The following OR11H4 variants were observed in gnomAD, a reference collection of about 807,000 sequenced individuals.
OR11H4 encodes the protein olfactory receptor family 11 subfamily H member 4.
For synonymous variants in OR11H4, 162 were observed against 142.3 expected (o/e 1.14, Z -0.98); for missense variants, 460 against 371.1 (o/e 1.24, Z -1.97).
intron 1 of OR11H4, among the ~76,000 whole-genome samples, chr14:20,241,813 A>T (rs535092978): frequency 1.3e-5 from 2 of 152,100 alleles, no homozygotes; most frequent in Admixed American, 6.6e-5. Flanking sequence ...AGGTCAGCAA[A>T]AAACATGTGA....
intron 1 of OR11H4, among the ~76,000 whole-genome samples, chr14:20,240,577 TTC>T (rs1341052565): frequency 9.5e-6 from 1 of 105,588 alleles, no homozygotes; most frequent in African/African-American, 5.0e-5. Context: ...TGAAACTACC[TTC>T]TTTTTTTTTT....
intron 1 of OR11H4, among the ~76,000 whole-genome samples, chr14:20,240,423 G>C (rs1181908621): frequency 6.6e-6 from 1 of 152,028 alleles, no homozygotes; most frequent in African/African-American, 2.4e-5. Context: ...TCAAATCTTC[G>C]TTCCCAAGAA....
At chr14:20,241,310 G>A (rs967879440) in intron 1 of OR11H4, among the ~76,000 whole-genome samples, 1 of 152,066 alleles carries the variant, frequency 6.6e-6, no homozygotes, top group Non-Finnish European at 1.5e-5. Flanking sequence ...TATTATCATG[G>A]AGTTGTATCT....
Position 20,243,468 on chromosome 14 carries a change from G to T in OR11H4, c.647G>T (p.Arg216Leu). Residue 216 changes from arginine (R) to leucine (L), a missense_variant, in exon 2 of 2, where the codon CGA becomes CTA. Arg to Leu is a moderately radical substitution (Grantham distance 102). Coordinates refer to ENST00000641082, the MANE Select transcript of OR11H4 (RefSeq NM_001004479.2). ...TTTTTCACTAGTATGTACATTCTTC[G>T]ATCCTATATCCTGTTACTAACAGCT... ...VLFFTSMYIL[R>L]SYILLLTAVF... The T allele has an allele frequency of 1.2e-6, 2 of 1,613,696 alleles. No homozygotes were observed. The highest frequency in any genetic ancestry group is 2.2e-5 in the East Asian group (1 of 44,870).
At chr14:20,242,146 G>A (rs1191475142) in intron 1 of OR11H4, among the ~76,000 whole-genome samples, 4 of 151,934 alleles carry the variant, frequency 2.6e-5, no homozygotes, top group African/African-American at 7.3e-5. Flanking sequence ...ACGGGTGTCC[G>A]GCTGGGGGAC....
At chr14:20,242,074 T>C (rs150929747) in intron 1 of OR11H4, among the ~76,000 whole-genome samples, 6,663 of 152,008 alleles carry the variant, frequency 0.044, 221 homozygotes, top group Non-Finnish European at 0.076. Flanking sequence ...ACAGTGGCCT[T>C]CCTCTATCTC....
intron 1 of OR11H4, among the ~76,000 whole-genome samples, chr14:20,240,301 C>T (rs1283370928): frequency 6.6e-6 from 1 of 152,124 alleles, no homozygotes; most frequent in Non-Finnish European, 1.5e-5. Context: ...TAAACAAATG[C>T]CTTTTAAATT....
rs768443320 is a variant in OR11H4, at chr14:20,242,878, T to A, written c.57T>A (p.Gly19=). 75 of 1,614,044 alleles carry A rather than the reference T, an allele frequency of 4.6e-5. 1 individual carries two copies. In the South Asian group the frequency reaches 6.0e-4, roughly 13 times the overall value. Residue 19 remains glycine (G), a synonymous_variant, in exon 2 of 2, where the codon GGT becomes GGA. Transcript: ENST00000641082. The stretch of plus-strand genomic sequence containing the variant: ...AGTTTATTCTCCTGGGATTCCCTGG[T>A]TGCTGGAAGATTCAGATTTTCCTCT... ...VTEFILLGFP[G]CWKIQIFLFS...
In OR11H4 at chr14:20,243,264, G is replaced by C. The variant is rs1273873668; in HGVS notation, c.443G>C (p.Cys148Ser). 3 of 1,614,132 alleles carry C rather than the reference G, an allele frequency of 1.9e-6. No individual in the cohort carries two copies. The highest frequency in any genetic ancestry group is 4.5e-5 in the East Asian group (2 of 44,876). Residue 148 changes from cysteine (C) to serine (S), a missense_variant, in exon 2 of 2, where the codon TGT becomes TCT. Physicochemically the swap from Cys to Ser is moderately radical, Grantham distance 112 (BLOSUM62 -1). Coordinates refer to ENST00000641082, the MANE Select transcript of OR11H4 (RefSeq NM_001004479.2). ...VRFCGKLVSFCWLIGFLGYPI... is the reference protein window; with the variant it reads ...VRFCGKLVSFSWLIGFLGYPI... ...TTCTGTGGTAAGCTGGTGTCTTTCT[G>C]TTGGCTTATTGGATTCCTTGGATAC...
Position 20,243,792 on chromosome 14 carries a change from T to C in OR11H4, c.*26T>C. ...GCCAAAGATGTGCCATACTTACAAG[T>C]TCTAACGAAGAACAAGGTCGAGATG... On this transcript the variant is annotated 3_prime_UTR_variant, in exon 2 of 2. Coordinates refer to ENST00000641082, the MANE Select transcript of OR11H4 (RefSeq NM_001004479.2). 1 of 1,542,104 alleles carries C rather than the reference T, an allele frequency of 6.5e-7. No homozygotes were observed.
intron 1 of OR11H4, among the ~76,000 whole-genome samples, chr14:20,241,394 A>G (rs1880914848): frequency 1.3e-5 from 2 of 152,288 alleles, no homozygotes; most frequent in South Asian, 4.1e-4. Flanking sequence ...TATCCTCAAA[A>G]TGTCTTTTCT....
At chr14:20,240,679 G>A (rs1365356311) in intron 1 of OR11H4, among the ~76,000 whole-genome samples, 2 of 150,200 alleles carry the variant, frequency 1.3e-5, no homozygotes, top group African/African-American at 2.5e-5. Context: ...CTGAGTTCAA[G>A]CAATTCTTCT....
rs773378543 is a variant in OR11H4 at position 20,242,892 on chromosome 14, A to C, written c.71A>C (p.Gln24Pro). ...GGATTCCCTGGTTGCTGGAAGATTCAGATTTTCCTCTTCTCATTGTTTTTG... is the reference window on the plus strand; with the variant it reads ...GGATTCCCTGGTTGCTGGAAGATTCCGATTTTCCTCTTCTCATTGTTTTTG... Reference protein sequence around the residue: ...LLGFPGCWKIQIFLFSLFLVI... With the variant: ...LLGFPGCWKIPIFLFSLFLVI... Residue 24 changes from glutamine (Q) to proline (P), a missense_variant, in exon 2 of 2, where the codon CAG becomes CCG. Coordinates refer to ENST00000641082, the MANE Select transcript of OR11H4 (RefSeq NM_001004479.2). The C allele has an allele frequency of 1.9e-6, 3 of 1,614,170 alleles. No individual in the cohort carries two copies. Among genetic ancestry groups the C allele is most frequent in the African/African-American group, 2.7e-5 (2 of 75,040 alleles).
intron 1 of OR11H4, 137 bp from the exon 2 acceptor site, chr14:20,242,674 A>C: frequency 1.0e-6 from 1 of 979,230 alleles, no homozygotes; most frequent in Middle Eastern, 3.3e-4. Context: ...ACATATTCCC[A>C]CCTGGTCTCA....
intron 1 of OR11H4, among the ~76,000 whole-genome samples, chr14:20,241,265 A>G (rs930106681): frequency 3.3e-5 from 5 of 152,200 alleles, no homozygotes; most frequent in Admixed American, 1.3e-4. Context: ...AAACATAAAA[A>G]TAAACACTGC....
intron 1 of OR11H4, among the ~76,000 whole-genome samples, chr14:20,240,615 T>A (rs1379598227): frequency 6.6e-6 from 1 of 150,518 alleles, no homozygotes; most frequent in African/African-American, 2.5e-5. Context: ...TCTCGCTCTG[T>A]CACCCAGGCT....
intron 1 of OR11H4, among the ~76,000 whole-genome samples, chr14:20,241,600 T>G (rs144694582): frequency 2.0e-5 from 3 of 152,154 alleles, no homozygotes; most frequent in Non-Finnish European, 2.9e-5. Flanking sequence ...ATTTCTGGTC[T>G]GGTAGGACGA....
chr14:20,243,478 C>T lies in OR11H4; in HGVS notation c.657C>T (p.Ile219=), dbSNP rs765680699. Residue 219 remains isoleucine, a synonymous_variant, in exon 2 of 2, where the codon ATC becomes ATT. Transcript: ENST00000641082. ...FTSMYILRSY[I]LLLTAVFQVP... ...GTATGTACATTCTTCGATCCTATAT[C>T]CTGTTACTAACAGCTGTTTTTCAGG... 7 of 1,613,800 alleles carry T rather than the reference C, an allele frequency of 4.3e-6. No homozygotes were observed. The African/African-American group carries it at 5.3e-5, about 12-fold the overall frequency.
In OR11H4 at chr14:20,243,213, A is replaced by G. The variant is rs1165942240; in HGVS notation, c.392A>G (p.Gln131Arg). 3 of 1,614,038 alleles carry G rather than the reference A, an allele frequency of 1.9e-6. No individual in the cohort carries two copies. Among genetic ancestry groups the G allele is most frequent in the Non-Finnish European group, 2.5e-6 (3 of 1,180,012 alleles). ...TACCTGGCCATCTGCCACCCACTGCAGTACCCTGCCATCATGACTGTAAGG... is the reference window on the plus strand; with the variant it reads ...TACCTGGCCATCTGCCACCCACTGCGGTACCCTGCCATCATGACTGTAAGG... ...DRYLAICHPL[Q>R]YPAIMTVRFC... The change falls in exon 2 of 2, where the codon CAG (glutamine) becomes CGG (arginine). Residue 131 changes from glutamine (Q) to arginine (R), a missense_variant. Gln to Arg is a conservative substitution (Grantham distance 43). Transcript: ENST00000641082.
Sources: allele counts gnomAD v4.1 joint callset (sites outside exome capture counted in the v4.1 genomes callset), GRCh38; gene constraint gnomAD v4.1.1; transcripts MANE v1.5; gene names NCBI Gene and HGNC (gene_info 2026-07-23, HGNC 2026-07-21).